The following ST7 variants were observed in gnomAD, a reference collection of about 807,000 sequenced individuals.
ST7 encodes suppressor of tumorigenicity 7 protein.
ST7 carries 28 observed loss-of-function variants against 78.7 expected under a neutral mutation model. That is an observed-to-expected ratio of 0.36 (90% CI 0.26 to 0.49). The LOEUF (loss-of-function observed/expected upper bound fraction) is 0.49, where lower values mean the gene tolerates loss of function less well. Among genes scored for constraint, ST7 ranks in the 20% least tolerant of loss-of-function variants. The pLI is 0.99. For missense variants in ST7, 418 were observed against 696.0 expected, an observed-to-expected ratio of 0.60 and a Z score of 4.49; for synonymous variants, 247 against 249.6, an observed-to-expected ratio of 0.99 and a Z score of 0.10.
intron 1 of ST7, among the ~76,000 whole-genome samples, chr7:117,047,295 T>G (rs963585673): frequency 6.6e-6 from 1 of 152,162 alleles, no homozygotes; most frequent in Non-Finnish European, 1.5e-5. Flanking sequence ...GATTTAGAAA[T>G]TGTTTTTATG....
intron 7 of ST7, 32 bp downstream of exon 7, chr7:117,134,224 C>CT: frequency 4.3e-6 from 7 of 1,610,504 alleles, no homozygotes; most frequent in Non-Finnish European, 5.9e-6. Flanking sequence ...TGCCCTACTT[C>CT]TAACCAAATG....
intron 10 of ST7, among the ~76,000 whole-genome samples, chr7:117,177,969 T>G (rs910545613): frequency 7.2e-5 from 11 of 152,202 alleles, no homozygotes; most frequent in African/African-American, 2.4e-4. Context: ...GAAGGAGAAA[T>G]GGACTGCTTT....
At chr7:117,092,839 C>T (rs1413922887) in intron 1 of ST7, among the ~76,000 whole-genome samples, 2 of 152,172 alleles carry the variant, frequency 1.3e-5, no homozygotes, top group Admixed American at 6.5e-5. Flanking sequence ...TCTTAATCCA[C>T]CCTGATAGCC....
chr7:117,207,152 T>G (rs921558765), intron 12 of ST7, among the ~76,000 whole-genome samples: 3 of 139,188 alleles, frequency 2.2e-5, no homozygotes, highest in African/African-American at 9.5e-5. Flanking sequence ...TCTTTTCATT[T>G]TTTTTTTTTT....
chr7:117,055,400 C>T (rs186073128), intron 1 of ST7, among the ~76,000 whole-genome samples: 87 of 152,184 alleles, frequency 5.7e-4, no homozygotes, highest in Non-Finnish European at 5.0e-4. Flanking sequence ...GACAGGGTTT[C>T]GCCTTGTTAG....
chr7:117,014,987 G>A, intron 1 of ST7: 1 of 1,371,210 alleles, frequency 7.3e-7, no homozygotes, highest in Non-Finnish European at 9.5e-7. Context: ...TCAGTTTCCT[G>A]CTTACTGCTT....
rs1479371761 is a variant in ST7 at position 117,219,406 on chromosome 7, TG to T, written c.1498+231del. Among the ~76,000 whole-genome samples, 9 of 152,228 alleles carry T rather than the reference TG, an allele frequency of 5.9e-5. No homozygotes were observed. The highest frequency in any genetic ancestry group is 8.8e-5 in the Non-Finnish European group (6 of 68,034). ...AGGGAAAGATGCCAAAGGATTGAAA[TG>T]TAGCTGAAGAAACCCTATGTACTGA... On this transcript the variant is annotated intron_variant, in intron 14 of 15. Coordinates refer to ENST00000323984, the MANE Select transcript of ST7 (RefSeq NM_001369598.1). The surrounding 1 kb of genome is among the most constrained non-coding windows in gnomAD (Gnocchi z 5.1).
chr7:117,049,866 T>C (rs1797680590), intron 1 of ST7, among the ~76,000 whole-genome samples: 1 of 152,086 alleles, frequency 6.6e-6, no homozygotes, highest in Non-Finnish European at 1.5e-5. Flanking sequence ...ATGGGTTCCA[T>C]GGTGTTATTA....
chr7:117,217,991 T>G (rs1196316653), intron 13 of ST7, among the ~76,000 whole-genome samples: 2 of 152,238 alleles, frequency 1.3e-5, no homozygotes, highest in Non-Finnish European at 2.9e-5. Context: ...AACCTTGTCA[T>G]TTCTTGTGAG....
At chr7:116,962,417 G>A (rs896988817) in intron 1 of ST7, among the ~76,000 whole-genome samples, 6 of 152,294 alleles carry the variant, frequency 3.9e-5, no homozygotes, top group Non-Finnish European at 8.8e-5. Context: ...GTGTAAAGGC[G>A]TTCCTGTTTC....
intron 1 of ST7, among the ~76,000 whole-genome samples, chr7:116,980,397 C>G (rs1288437258): frequency 1.3e-5 from 2 of 152,202 alleles, no homozygotes; most frequent in Non-Finnish European, 2.9e-5. Flanking sequence ...CCCACATAAT[C>G]AATATACCCT....
At chr7:117,199,756 G>T (rs865856575) in intron 12 of ST7, among the ~76,000 whole-genome samples, 1 of 152,316 alleles carries the variant, frequency 6.6e-6, no homozygotes, top group East Asian at 1.9e-4. Flanking sequence ...AAGACAGACC[G>T]GGCCGTGCCC....
At chr7:116,969,469 C>T (rs1793305728) in intron 1 of ST7, among the ~76,000 whole-genome samples, 1 of 152,196 alleles carries the variant, frequency 6.6e-6, no homozygotes, top group Admixed American at 6.5e-5. Context: ...TTTGTCATGA[C>T]ATAATACCAA....
intron 10 of ST7, among the ~76,000 whole-genome samples, chr7:117,181,485 A>G (rs941163442): frequency 6.6e-6 from 1 of 152,196 alleles, no homozygotes; most frequent in African/African-American, 2.4e-5. Flanking sequence ...CCTATAAAAG[A>G]AAAAGATTTT....
At chr7:117,027,312 A>C (rs1351455721) in intron 1 of ST7, among the ~76,000 whole-genome samples, 1 of 152,060 alleles carries the variant, frequency 6.6e-6, no homozygotes, top group African/African-American at 2.4e-5. Context: ...ATGGTGGCGC[A>C]TGCCTGTAGT....
At chr7:117,119,935 C>CT (rs34616975) in intron 3 of ST7, among the ~76,000 whole-genome samples, 13,351 of 145,636 alleles carry the variant, frequency 0.092, 1,191 homozygotes, top group East Asian at 0.43. Context: ...TTTTACCCTC[C>CT]TTTTTTTTTT....
At chr7:117,012,496 A>C (rs1206651814) in intron 1 of ST7, among the ~76,000 whole-genome samples, 2 of 152,164 alleles carry the variant, frequency 1.3e-5, no homozygotes, top group Non-Finnish European at 2.9e-5. Flanking sequence ...ATAGGTTAAT[A>C]CATGAATTAG....
chr7:117,028,413 G>A (rs569346434), intron 1 of ST7, among the ~76,000 whole-genome samples: 5 of 152,204 alleles, frequency 3.3e-5, no homozygotes, highest in South Asian at 4.1e-4. Flanking sequence ...ATTGTAAAGC[G>A]TATAGATTAG....
chr7:117,026,065 T>G (rs1012410348), intron 1 of ST7, among the ~76,000 whole-genome samples: 7 of 152,226 alleles, frequency 4.6e-5, no homozygotes, highest in Non-Finnish European at 8.8e-5. Flanking sequence ...CAGATTCATA[T>G]CCTGTATAAA....
Sources: allele counts gnomAD v4.1 joint callset (sites outside exome capture counted in the v4.1 genomes callset), GRCh38; gene constraint gnomAD v4.1.1; non-coding constraint Gnocchi (gnomAD v3.1); transcripts MANE v1.5; gene names NCBI Gene and HGNC (gene_info 2026-07-23, HGNC 2026-07-21).